Variants in ATP10B observed in about 807,000 individuals in gnomAD.
ATP10B encodes ATPase phospholipid transporting 10B (putative), also known as phospholipid-transporting ATPase VB.
Under a neutral mutation model 141.2 loss-of-function variants are expected in ATP10B, and 122 were observed. The ratio of observed to expected loss-of-function variants is 0.86; its 90% CI spans 0.75 to 1.00. ATP10B has a LOEUF of 1.00. Ranked by LOEUF, ATP10B falls within the 50% of genes least tolerant of loss-of-function variation. The pLI is 0.00. For synonymous variants in ATP10B, 685 were observed against 692.0 expected (o/e 0.99, Z 0.16); for missense variants, 1,876 against 1,825.3 (o/e 1.03, Z -0.51).
At chr5:160,869,906 T>C in the ATP10B span, among the ~76,000 whole-genome samples, 105 of 152,162 alleles carry the variant, frequency 6.9e-4, no homozygotes, top group South Asian at 0.018. Context: ...TCACAGTAAA[T>C]AATGAACCCT....
chr5:160,723,711 T>C (rs538164994), intron 2 of ATP10B, among the ~76,000 whole-genome samples: 1 of 152,352 alleles, frequency 6.6e-6, no homozygotes, highest in African/African-American at 2.4e-5. Context: ...TTTACACTAA[T>C]GTATAACAGT....
chr5:160,587,131 G>C, intron 24 of ATP10B, among the ~76,000 whole-genome samples: 1 of 151,650 alleles, frequency 6.6e-6, no homozygotes, highest in South Asian at 2.1e-4. Flanking sequence ...TTTTGTATAA[G>C]GTGTTAATTT....
At chr5:160,578,701 T>C (rs1026434584) in intron 24 of ATP10B, among the ~76,000 whole-genome samples, 2 of 152,212 alleles carry the variant, frequency 1.3e-5, no homozygotes, top group African/African-American at 4.8e-5. Flanking sequence ...TTTGGGTATA[T>C]ACCCAGTAAT....
At chr5:160,612,645 T>C in intron 18 of ATP10B, 96 bp downstream of exon 18, 2 of 1,126,306 alleles carry the variant, frequency 1.8e-6, no homozygotes, top group Non-Finnish European at 2.5e-6. Context: ...GCTTCCCTGG[T>C]GTACCCAAAT....
intron 18 of ATP10B, among the ~76,000 whole-genome samples, chr5:160,609,381 A>ATTT (rs11341335): frequency 3.5e-5 from 5 of 143,216 alleles, no homozygotes; most frequent in African/African-American, 1.3e-4. Flanking sequence ...GCCATAACTT[A>ATTT]TTTTTTTTTT....
At chr5:160,870,312 G>A in the ATP10B span, among the ~76,000 whole-genome samples, 1 of 152,066 alleles carries the variant, frequency 6.6e-6, no homozygotes, top group South Asian at 2.1e-4. Context: ...AGCCTTATTT[G>A]TGGCTGTTTC....
chr5:160,920,493 C>G, the ATP10B span, among the ~76,000 whole-genome samples: 4 of 152,216 alleles, frequency 2.6e-5, no homozygotes, highest in Non-Finnish European at 5.9e-5. Context: ...GCAGCGCTCT[C>G]AAGCATGGGA....
intron 7 of ATP10B, among the ~76,000 whole-genome samples, chr5:160,653,364 ACG>A: frequency 1.2e-5 from 1 of 82,702 alleles, no homozygotes; most frequent in Non-Finnish European, 2.4e-5. Context: ...ATATATACAT[ACG>A]TACATACATA....
intron 7 of ATP10B, among the ~76,000 whole-genome samples, chr5:160,663,519 C>T (rs1247005749): frequency 1.3e-5 from 2 of 152,134 alleles, no homozygotes; most frequent in Non-Finnish European, 2.9e-5. Context: ...AACCATCATT[C>T]TCAGCAAACT....
chr5:160,648,138 T>C (rs1032124973), intron 8 of ATP10B, among the ~76,000 whole-genome samples: 11 of 152,194 alleles, frequency 7.2e-5, no homozygotes, highest in Non-Finnish European at 1.3e-4. Flanking sequence ...CAGATCATCA[T>C]AATCCACATC....
At chr5:160,838,647 A>AG (rs779710575) in intron 1 of ATP10B, among the ~76,000 whole-genome samples, 2 of 152,296 alleles carry the variant, frequency 1.3e-5, no homozygotes, top group South Asian at 2.1e-4. Context: ...ACATACTTTG[A>AG]GAAAAAAAAG....
intron 2 of ATP10B, among the ~76,000 whole-genome samples, chr5:160,766,098 G>A (rs62392584): frequency 2.6e-5 from 4 of 152,096 alleles, no homozygotes; most frequent in Non-Finnish European, 5.9e-5. Flanking sequence ...CTTTTACACT[G>A]CTGGTGAGAA....
At chr5:160,871,631 A>T in the ATP10B span, among the ~76,000 whole-genome samples, 1 of 152,112 alleles carries the variant, frequency 6.6e-6, no homozygotes, top group African/African-American at 2.4e-5. Context: ...TTGGTTTTCC[A>T]TTCCTGAGTT....
In ATP10B at chr5:160,686,156, G is replaced by A. The variant is rs200729726; in HGVS notation, c.393C>T (p.Ile131=). Reference sequence around the variant, plus strand: ...TCTTGAAGTCCTCCATGCCATCCTTGATCATGATGACGAACAGGACAATGG... The same window carrying A: ...TCTTGAAGTCCTCCATGCCATCCTTAATCATGATGACGAACAGGACAATGG... The part of the protein sequence containing the change: ...PLAIVLFVIM[I]KDGMEDFKRH... The change falls in exon 6 of 26, where the codon ATC becomes ATT. Residue 131 remains isoleucine (I), a synonymous_variant. Coordinates refer to ENST00000327245, the MANE Select transcript of ATP10B (RefSeq NM_025153.3). 6 of 1,613,064 alleles carry A rather than the reference G, an allele frequency of 3.7e-6. No individual in the cohort carries two copies. Among genetic ancestry groups the A allele is most frequent in the Non-Finnish European group, 4.2e-6 (5 of 1,179,280 alleles).
rs1754438144 is a variant in ATP10B, at chr5:160,564,792, C to T, written c.*661G>A. The T allele has an allele frequency of 6.6e-6, 1 of 152,220 alleles. No individual in the cohort carries two copies. 9.4% of individuals were successfully genotyped at this position (152,220 alleles called of 1,614,324 possible). The stretch of plus-strand genomic sequence containing the variant: ...CCCTTTTGCATGTCTATTCTTCATG[C>T]CTCTTACACTAGCTGTGACCCTAAA... On this transcript the variant is annotated 3_prime_UTR_variant, in exon 26 of 26. Transcript: ENST00000327245.
chr5:160,773,308 A>T lies in ATP10B; in HGVS notation c.-331+12251T>A, dbSNP rs560515954. ...TTTTAGACAGGCTTTGCAATGGCTT[A>T]TCAAAGGAATAGGGAGGTACATGAT... On this transcript the variant is annotated intron_variant, in intron 2 of 25. Transcript: ENST00000327245. Among the ~76,000 whole-genome samples the T allele has an allele frequency of 4.6e-5, 7 of 152,344 alleles. No homozygotes were observed. The South Asian group carries it at 1.4e-3, about 32-fold the overall frequency.
chr5:160,719,773 A>AC (rs1290732698), intron 2 of ATP10B, among the ~76,000 whole-genome samples: 1 of 152,212 alleles, frequency 6.6e-6, no homozygotes, highest in Non-Finnish European at 1.5e-5. Flanking sequence ...TCTAATACTT[A>AC]CCATCACTTT....
intron 16 of ATP10B, among the ~76,000 whole-genome samples, chr5:160,616,416 A>G (rs141838690): frequency 6.6e-6 from 1 of 152,348 alleles, no homozygotes; most frequent in Non-Finnish European, 1.5e-5. Flanking sequence ...CCAATGACAG[A>G]GGGTCAATCA....
At chr5:160,727,948 A>G (rs1249900738) in intron 2 of ATP10B, among the ~76,000 whole-genome samples, 1 of 152,220 alleles carries the variant, frequency 6.6e-6, no homozygotes, top group Non-Finnish European at 1.5e-5. Flanking sequence ...CTTTAGGTCT[A>G]CAATCTAAGT....
Sources: gnomAD v4.1 joint callset for allele counts (sites outside exome capture counted in the v4.1 genomes callset) on GRCh38, gnomAD v4.1.1 for gene constraint, MANE v1.5 for transcripts, NCBI Gene and HGNC (gene_info 2026-07-23, HGNC 2026-07-21) for gene names.